ZNF333: variants seen among roughly 807,000 people sequenced by gnomAD.
ZNF333 encodes the protein zinc finger protein 333.
A neutral mutation model predicts 76.1 loss-of-function variants in ZNF333; 61 were observed. The observed-to-expected ratio is 0.80, with a 90% CI of 0.65 to 0.99. ZNF333 has a LOEUF of 0.99. ZNF333 is among the 50% of genes least tolerant of loss of function. The pLI is 0.00. For synonymous variants in ZNF333, 284 were observed against 305.0 expected (o/e 0.93, Z 0.72); for missense variants, 717 against 822.4 (o/e 0.87, Z 1.57).
At chr19:14,733,071 C>T (rs547548718) in exon 12 of ZNF333, 72 of 152,336 alleles carry the variant, frequency 4.7e-4, no homozygotes, top group African/African-American at 1.7e-3. Flanking sequence ...CTCTGATATT[C>T]CCCATCTCAC....
intron 4 of ZNF333, 51 bp downstream of exon 4, chr19:14,695,712 T>C: frequency 6.5e-7 from 1 of 1,549,590 alleles, no homozygotes; most frequent in Non-Finnish European, 8.9e-7. Context: ...TTGGGTGGTG[T>C]GCCTTGGGAA....
chr19:14,702,660 T>C (rs8110018), intron 5 of ZNF333, among the ~76,000 whole-genome samples: 4,793 of 152,304 alleles, frequency 0.031, 246 homozygotes, highest in African/African-American at 0.099. Flanking sequence ...TGTTGCTGCT[T>C]TCATCCTCTG....
rs2042541930 is a variant in ZNF333 at position 14,719,454 on chromosome 19, C to T, written c.*129C>T. 8.5e-7 allele frequency: 1 copy of T among 1,170,286 alleles called. No individual in the cohort carries two copies. Among genetic ancestry groups the T allele is most frequent in the African/African-American group, 1.6e-5 (1 of 64,258 alleles). The allele number at this position is 1,170,286 out of a possible 1,614,324, so 72.5% of individuals were successfully genotyped here. On this transcript the variant is annotated 3_prime_UTR_variant, in exon 12 of 12. Transcript: ENST00000292530. ...TAATTGTAAGTATTGTCTTAACCTCCATTATCGTTTATTCTTTGACCCATC... is the reference window on the plus strand; with the variant it reads ...TAATTGTAAGTATTGTCTTAACCTCTATTATCGTTTATTCTTTGACCCATC...
At chr19:14,696,805 C>A (rs541782944) in intron 4 of ZNF333, among the ~76,000 whole-genome samples, 1 of 141,726 alleles carries the variant, frequency 7.1e-6, no homozygotes, top group African/African-American at 2.6e-5. Context: ...GTGGTACGAT[C>A]TCGGCTCACT....
chr19:14,698,008 A>T (rs911329870), intron 4 of ZNF333, among the ~76,000 whole-genome samples: 1 of 152,106 alleles, frequency 6.6e-6, no homozygotes, highest in African/African-American at 2.4e-5. Flanking sequence ...TTTTCCCCTC[A>T]TTCCTATGAC....
intron 8 of ZNF333, 44 bp downstream of exon 8, chr19:14,715,514 A>C (rs761566939): frequency 1.3e-6 from 2 of 1,576,588 alleles, no homozygotes; most frequent in African/African-American, 2.7e-5. Context: ...GCTGTGCCCA[A>C]AGGCTGGACT....
In ZNF333 at chr19:14,721,884, T is replaced by C. The variant is rs548321013; in HGVS notation, c.*2559T>C. On this transcript the variant is annotated 3_prime_UTR_variant, in exon 12 of 12. Transcript: ENST00000292530. ...TTGTTATGAATAAAGCTGCTGTGAA[T>C]GTTCTTGTTAAGTCATACTGTGGAC... The C allele has an allele frequency of 5.9e-5, 9 of 152,244 alleles. No individual in the cohort carries two copies. The highest frequency in any genetic ancestry group is 8.8e-5 in the Non-Finnish European group (6 of 68,036). The allele number at this position is 152,244 out of a possible 1,614,324, so 9.4% of individuals were successfully genotyped here. A position where few individuals can be genotyped will look rare whatever the true frequency, so the allele number is the denominator to read the frequency against.
chr19:14,695,436 C>A, intron 3 of ZNF333, 130 bp from the exon 4 acceptor site: 1 of 926,870 alleles, frequency 1.1e-6, no homozygotes, highest in Non-Finnish European at 1.7e-6. Flanking sequence ...TGCTACCCAT[C>A]ACACTTGCTC....
intron 11 of ZNF333, among the ~76,000 whole-genome samples, chr19:14,728,867 T>G (rs1200244908): frequency 1.3e-5 from 2 of 151,812 alleles, no homozygotes; most frequent in East Asian, 3.9e-4. Context: ...GCCAGGGGGG[T>G]TTTATATCCT....
chr19:14,716,300 C>T lies in ZNF333; in HGVS notation c.727+62C>T, dbSNP rs183530648. ...TTGAGACAGAGTCTTGCTCTGTTGC[C>T]TAGGCTGGAGTGTGATGGCGTGACC... On this transcript the variant is annotated intron_variant, in intron 9 of 11. Transcript: ENST00000292530. 304 of 1,565,686 alleles carry T rather than the reference C, an allele frequency of 1.9e-4. 4 individuals carry two copies. The East Asian group carries it at 6.1e-3, about 32-fold the overall frequency.
In ZNF333 at chr19:14,717,053, A is replaced by G. The variant is rs575791868; in HGVS notation, c.787A>G (p.Thr263Ala). ...SYLEERGEQW[T>A]TDRGVLSDTC... ...TTTGGAAGAAAGAGGAGAGCAGTGG[A>G]CCACTGACAGGGGCGTCCTCTCAGA... The change falls in exon 10 of 12, where the codon ACC (threonine) becomes GCC (alanine). Residue 263 changes from threonine to alanine, a missense_variant. By Grantham distance (58) the Thr-to-Ala change is moderately conservative. Transcript: ENST00000292530. 3 of 1,611,292 alleles carry G rather than the reference A, an allele frequency of 1.9e-6. No individual in the cohort carries two copies. The African/African-American group carries it at 4.0e-5, about 21-fold the overall frequency.
exon 12 of ZNF333, chr19:14,732,363 C>T (rs1599768829): frequency 6.6e-6 from 1 of 152,104 alleles, no homozygotes; most frequent in East Asian, 1.9e-4. Context: ...ATAGGGTAAG[C>T]ATACTTTTAT....
At chr19:14,699,581 C>T (rs1488640065) in intron 5 of ZNF333, among the ~76,000 whole-genome samples, 1 of 152,020 alleles carries the variant, frequency 6.6e-6, no homozygotes, top group Admixed American at 6.6e-5. Context: ...CTGCTTCAGC[C>T]TCCCGAGTAG....
intron 5 of ZNF333, 73 bp from the exon 6 acceptor site, chr19:14,704,981 C>CA: frequency 4.1e-6 from 6 of 1,479,640 alleles, no homozygotes; most frequent in Non-Finnish European, 5.6e-6. Context: ...AGCCCCAAAC[C>CA]AAAGGTCTCT....
At chr19:14,726,608 C>A (rs2042634207), downstream of ZNF333, among the ~76,000 whole-genome samples, 1 of 152,200 alleles carries the variant, frequency 6.6e-6, no homozygotes, top group South Asian at 2.1e-4. Context: ...TCCTTGAACA[C>A]TTTGCTGCTT....
At chr19:14,697,237 G>C (rs1358925886) in intron 4 of ZNF333, among the ~76,000 whole-genome samples, 1 of 152,038 alleles carries the variant, frequency 6.6e-6, no homozygotes, top group East Asian at 1.9e-4. Flanking sequence ...ACATTGTATG[G>C]ATAAGCTATA....
In ZNF333 at chr19:14,720,581, T is replaced by C; in HGVS notation, c.*1256T>C. 1.0e-6 allele frequency: 1 copy of C among 985,468 alleles called. No individual in the cohort carries two copies. Among genetic ancestry groups the C allele is most frequent in the Non-Finnish European group, 1.2e-6 (1 of 829,940 alleles). The allele number at this position is 985,468 out of a possible 1,614,324, so 61.0% of individuals were successfully genotyped here. Reference sequence around the variant, plus strand: ...TGTCCCATACATGAAAAATATGCACTTCTTACTGGTACAGTTTTCTTTTGT... The same window carrying C: ...TGTCCCATACATGAAAAATATGCACCTCTTACTGGTACAGTTTTCTTTTGT... On this transcript the variant is annotated 3_prime_UTR_variant, in exon 12 of 12. Coordinates refer to ENST00000292530, the MANE Select transcript of ZNF333 (RefSeq NM_032433.4).
At chr19:14,700,603 G>A (rs981503844) in intron 5 of ZNF333, among the ~76,000 whole-genome samples, 7 of 152,028 alleles carry the variant, frequency 4.6e-5, no homozygotes, top group African/African-American at 1.4e-4. Context: ...AAATATACAC[G>A]GAGTCCCCAC....
chr19:14,718,758 C>G lies in ZNF333; in HGVS notation c.1431C>G (p.Pro477=). ...SHVRTHTGEK[P]FECSQCGKAF... Reference sequence around the variant, plus strand: ...TGAGAACTCACACTGGAGAGAAGCCCTTTGAATGCAGCCAGTGTGGGAAAG... The same window carrying G: ...TGAGAACTCACACTGGAGAGAAGCCGTTTGAATGCAGCCAGTGTGGGAAAG... The change falls in exon 12 of 12, where the codon CCC becomes CCG. Residue 477 remains proline (P), a synonymous_variant. Coordinates refer to ENST00000292530, the MANE Select transcript of ZNF333 (RefSeq NM_032433.4). The G allele has an allele frequency of 1.2e-6, 2 of 1,614,074 alleles. No homozygotes were observed. Among genetic ancestry groups the G allele is most frequent in the Non-Finnish European group, 1.7e-6 (2 of 1,179,998 alleles).
Sources: allele counts gnomAD v4.1 joint callset (sites outside exome capture counted in the v4.1 genomes callset), GRCh38; gene constraint gnomAD v4.1.1; transcripts MANE v1.5; gene names NCBI Gene and HGNC (gene_info 2026-07-23, HGNC 2026-07-21).